FAM178B: variants seen among roughly 807,000 people sequenced by gnomAD.
The protein encoded by FAM178B is family with sequence similarity 178 member B.
FAM178B carries 82 observed loss-of-function variants against 91.7 expected under a neutral mutation model. The observed-to-expected ratio is 0.89, with a 90% CI of 0.75 to 1.07. FAM178B has a LOEUF of 1.07. Among genes scored for constraint, FAM178B ranks in the 50% least tolerant of loss-of-function variants. The pLI, the probability that FAM178B is intolerant of heterozygous loss-of-function variation, is 0.00. For synonymous variants in FAM178B, 368 were observed against 359.4 expected, an observed-to-expected ratio of 1.02 and a Z score of -0.27; for missense variants, 769 against 846.7, an observed-to-expected ratio of 0.91 and a Z score of 1.14.
chr2:96,933,572 G>GCC (rs2081577603), intron 8 of FAM178B, among the ~76,000 whole-genome samples: 1 of 152,212 alleles, frequency 6.6e-6, no homozygotes, highest in Admixed American at 6.5e-5. Context: ...CCTGGCTCCT[G>GCC]CCCCCCTTCT....
chr2:96,908,442 G>C (rs924783906), intron 12 of FAM178B, among the ~76,000 whole-genome samples: 1 of 152,214 alleles, frequency 6.6e-6, no homozygotes, highest in Non-Finnish European at 1.5e-5. Flanking sequence ...GCTCACACCT[G>C]TAATCCCAGC....
chr2:96,912,920 G>A (rs566671831), intron 12 of FAM178B, among the ~76,000 whole-genome samples: 5 of 152,316 alleles, frequency 3.3e-5, no homozygotes, highest in East Asian at 3.9e-4. Flanking sequence ...CAACCTGCCC[G>A]AGGGTGGGCA....
intron 4 of FAM178B, 108 bp from the exon 5 acceptor site, chr2:96,967,735 C>T (rs1045312442): frequency 1.5e-5 from 11 of 748,298 alleles, no homozygotes; most frequent in Admixed American, 2.3e-5. Flanking sequence ...CAGAGGGCTG[C>T]GCCGTCCTGG....
intron 14 of FAM178B, among the ~76,000 whole-genome samples, chr2:96,881,498 T>G (rs1313830880): frequency 6.6e-6 from 1 of 151,356 alleles, no homozygotes; most frequent in Non-Finnish European, 1.5e-5. Context: ...CCACTGCTGA[T>G]GGCGCAGCTC....
At chr2:96,939,858 G>A (rs2081697312) in intron 8 of FAM178B, among the ~76,000 whole-genome samples, 1 of 152,104 alleles carries the variant, frequency 6.6e-6, no homozygotes, top group African/African-American at 2.4e-5. Context: ...TGGGCTTGGT[G>A]CCTAGCACAA....
intron 8 of FAM178B, among the ~76,000 whole-genome samples, chr2:96,940,155 C>T (rs971130370): frequency 6.6e-6 from 1 of 152,168 alleles, no homozygotes; most frequent in African/African-American, 2.4e-5. Context: ...CGTGGCAGAC[C>T]TGGATCCCAG....
At chr2:96,932,771 C>A (rs2081561534) in intron 8 of FAM178B, among the ~76,000 whole-genome samples, 1 of 151,130 alleles carries the variant, frequency 6.6e-6, no homozygotes, top group Non-Finnish European at 1.5e-5. Flanking sequence ...AACCCTGTCT[C>A]TACTAAAAAT....
At chr2:96,897,869 C>A (rs1436731895) in intron 13 of FAM178B, 11 of 789,418 alleles carry the variant, frequency 1.4e-5, no homozygotes, top group Non-Finnish European at 1.4e-5. Context: ...AAGTCAAAAC[C>A]CTCACCGTAG....
At position 96,967,911 on chromosome 2, in the gene FAM178B, C is replaced by T. The variant is rs76658611; in HGVS notation, c.627-284G>A. Among the ~76,000 whole-genome samples, 205 of 62,388 alleles carry T rather than the reference C, an allele frequency of 3.3e-3. 1 individual carries two copies. The highest frequency in any genetic ancestry group is 4.1e-3 in the Non-Finnish European group (136 of 33,222). The allele number at this position is 62,388 out of a possible 152,430, so 40.9% of individuals were successfully genotyped here. A position where few individuals can be genotyped will look rare whatever the true frequency, so the allele number is the denominator to read the frequency against. ...TCTTTACTTGTGTACCCTGTTTGGT[C>T]TTTTTTTTTTTTTTTTTTTTTTTTT... On this transcript the variant is annotated intron_variant, in intron 4 of 16. Coordinates refer to ENST00000490605, the MANE Select transcript of FAM178B (RefSeq NM_001122646.3).
At chr2:96,942,158 TA>T (rs1453544907) in intron 8 of FAM178B, among the ~76,000 whole-genome samples, 1 of 152,200 alleles carries the variant, frequency 6.6e-6, no homozygotes, top group Admixed American at 6.5e-5. Flanking sequence ...CAAAGAAATG[TA>T]AGACATGTAC....
chr2:96,922,162 G>A (rs77925667), intron 10 of FAM178B, among the ~76,000 whole-genome samples: 2,011 of 152,202 alleles, frequency 0.013, 36 homozygotes, highest in African/African-American at 0.045. Context: ...TACACATGCC[G>A]TGGCAATGTC....
At chr2:96,967,209 T>C (rs1436567713) in intron 5 of FAM178B, among the ~76,000 whole-genome samples, 2 of 126,646 alleles carry the variant, frequency 1.6e-5, no homozygotes, top group African/African-American at 6.1e-5. Context: ...TTCATTTAGA[T>C]TGTGGTTTTG....
At chr2:96,981,840 G>A (rs536592271) in intron 1 of FAM178B, among the ~76,000 whole-genome samples, 101 of 151,934 alleles carry the variant, frequency 6.6e-4, no homozygotes, top group Non-Finnish European at 1.4e-3. Flanking sequence ...GCTGAGAAAG[G>A]CAGATCGCTT....
chr2:96,927,049 G>A (rs1035493824), intron 9 of FAM178B, among the ~76,000 whole-genome samples: 2 of 152,222 alleles, frequency 1.3e-5, no homozygotes, highest in African/African-American at 4.8e-5. Context: ...AGGACGAGAA[G>A]GAACACAGGG....
intron 8 of FAM178B, among the ~76,000 whole-genome samples, chr2:96,943,248 AAG>A (rs1455737547): frequency 6.6e-6 from 1 of 152,182 alleles, no homozygotes; most frequent in Non-Finnish European, 1.5e-5. Flanking sequence ...TCTGGTAAAA[AAG>A]AGACCTCTTA....
intron 14 of FAM178B, among the ~76,000 whole-genome samples, chr2:96,880,172 C>T (rs1278793342): frequency 1.3e-5 from 2 of 152,100 alleles, no homozygotes; most frequent in African/African-American, 2.4e-5. Flanking sequence ...TGGGGGATGG[C>T]GAGTACAACT....
At chr2:96,925,924 C>A (rs766744038) in intron 9 of FAM178B, among the ~76,000 whole-genome samples, 1 of 152,216 alleles carries the variant, frequency 6.6e-6, no homozygotes, top group Non-Finnish European at 1.5e-5. Context: ...TAATCAATTG[C>A]CCCCTCACTT....
chr2:96,964,122 G>A (rs1215041631), intron 5 of FAM178B, among the ~76,000 whole-genome samples: 1 of 151,582 alleles, frequency 6.6e-6, no homozygotes, highest in Admixed American at 6.6e-5. Context: ...GGAGGTTGCA[G>A]TGAGCCAAGA....
At position 96,967,573 on chromosome 2, in the gene FAM178B, A is replaced by G. The variant is rs1316195330; in HGVS notation, c.681T>C (p.Asn227=). The G allele has an allele frequency of 6.4e-7, 1 of 1,550,614 alleles. No homozygotes were observed. Reference sequence around the variant, plus strand: ...CTTCATCAAGATCCAAGGAGTTGAGATTGAGACACTCCTGCAGAAGCAGCC... The same window carrying G: ...CTTCATCAAGATCCAAGGAGTTGAGGTTGAGACACTCCTGCAGAAGCAGCC... ...RERLLLQECL[N]LNSLDLDEEE... The change falls in exon 5 of 17, where the codon AAT becomes AAC. Residue 227 remains asparagine, a synonymous_variant. Transcript: ENST00000490605.
Sources: gnomAD v4.1 joint callset for allele counts (sites outside exome capture counted in the v4.1 genomes callset) on GRCh38, gnomAD v4.1.1 for gene constraint, MANE v1.5 for transcripts, NCBI Gene and HGNC (gene_info 2026-07-23, HGNC 2026-07-21) for gene names.